Variants in ULK4 observed in about 807,000 individuals in gnomAD.
ULK4 encodes the protein unc-51 like kinase 4.
Under a neutral mutation model 160.6 loss-of-function variants are expected in ULK4, and 133 were observed. That is an observed-to-expected ratio of 0.83 (90% CI 0.72 to 0.96). The LOEUF is 0.96. Among genes scored for constraint, ULK4 ranks in the 40% least tolerant of loss-of-function variants. The pLI is 0.00. For synonymous variants in ULK4, 534 were observed against 539.8 expected (o/e 0.99, Z 0.15); for missense variants, 1,580 against 1,499.5 (o/e 1.05, Z -0.89).
Position 41,566,092 on chromosome 3 carries a change from A to T in ULK4, c.3159T>A (p.Ser1053Arg). The change falls in exon 32 of 37, where the codon AGT becomes AGA. Residue 1053 changes from serine to arginine, a missense_variant. Ser to Arg is a moderately radical substitution (Grantham distance 110). Coordinates refer to ENST00000301831, the MANE Select transcript of ULK4 (RefSeq NM_017886.4). ...QESILGNTMQ[S>R]VIALLSNLVA... ...CTAGATTGCTGAGTAATGCAATCAC[A>T]CTTTGCATGGTATTACCCAGAATGC... The T allele has an allele frequency of 1.9e-6, 3 of 1,613,920 alleles. No homozygotes were observed. The highest frequency in any genetic ancestry group is 2.5e-6 in the Non-Finnish European group (3 of 1,179,960).
At chr3:41,722,095 G>C (rs568410801) in intron 22 of ULK4, among the ~76,000 whole-genome samples, 2 of 152,120 alleles carry the variant, frequency 1.3e-5, no homozygotes, top group Non-Finnish European at 2.9e-5. Context: ...GATAATGCCC[G>C]CCTTATAGGA....
At chr3:41,454,796 G>C (rs2083504852) in intron 34 of ULK4, among the ~76,000 whole-genome samples, 1 of 151,828 alleles carries the variant, frequency 6.6e-6, no homozygotes, top group South Asian at 2.1e-4. Context: ...GGGTTCAAGT[G>C]ATTCTCCTGA....
intron 32 of ULK4, among the ~76,000 whole-genome samples, chr3:41,526,894 T>G (rs1408052827): frequency 6.6e-6 from 1 of 152,162 alleles, no homozygotes; most frequent in Non-Finnish European, 1.5e-5. Flanking sequence ...AGTGACATTT[T>G]TTTTTCTATT....
intron 35 of ULK4, among the ~76,000 whole-genome samples, chr3:41,346,969 C>T (rs1243921478): frequency 1.3e-5 from 2 of 152,032 alleles, no homozygotes; most frequent in African/African-American, 4.8e-5. Context: ...AAATAATCTA[C>T]AATACATGGA....
At chr3:41,875,948 C>T (rs1697282832) in intron 17 of ULK4, among the ~76,000 whole-genome samples, 1 of 143,864 alleles carries the variant, frequency 7.0e-6, no homozygotes. Context: ...CCAGTATCAC[C>T]TATGATATGT....
intron 31 of ULK4, among the ~76,000 whole-genome samples, chr3:41,594,692 T>C (rs1053165496): frequency 3.3e-5 from 5 of 152,208 alleles, no homozygotes; most frequent in African/African-American, 1.2e-4. Context: ...AATTGGATGT[T>C]AAGCCACTGC....
chr3:41,614,779 A>T (rs1437220326), intron 31 of ULK4, among the ~76,000 whole-genome samples: 1 of 152,226 alleles, frequency 6.6e-6, no homozygotes, highest in African/African-American at 2.4e-5. Context: ...CAAACGATTT[A>T]TAGAATAATA....
chr3:41,893,249 A>G (rs1303755563), intron 16 of ULK4, among the ~76,000 whole-genome samples: 1 of 152,258 alleles, frequency 6.6e-6, no homozygotes, highest in African/African-American at 2.4e-5. Flanking sequence ...GAATGAACTA[A>G]ATGCCATTAT....
intron 30 of ULK4, among the ~76,000 whole-genome samples, chr3:41,642,872 T>C (rs1440048013): frequency 6.6e-6 from 1 of 152,228 alleles, no homozygotes; most frequent in African/African-American, 2.4e-5. Flanking sequence ...CACTTTTTAA[T>C]GATCGCCATT....
intron 21 of ULK4, among the ~76,000 whole-genome samples, chr3:41,772,092 A>G (rs1251604391): frequency 6.6e-6 from 1 of 152,202 alleles, no homozygotes; most frequent in Non-Finnish European, 1.5e-5. Context: ...GGAAGTTTAT[A>G]GCTCTAAATG....
chr3:41,897,890 G>A (rs1197489668), intron 14 of ULK4, among the ~76,000 whole-genome samples: 7 of 151,980 alleles, frequency 4.6e-5, no homozygotes, highest in East Asian at 1.9e-4. Context: ...TTTGTTAAAC[G>A]AAAAAACCAA....
intron 35 of ULK4, among the ~76,000 whole-genome samples, chr3:41,379,861 T>G (rs1397666123): frequency 6.6e-6 from 1 of 152,210 alleles, no homozygotes; most frequent in East Asian, 1.9e-4. Flanking sequence ...CTATGCTAAA[T>G]GGGTAGTGAG....
At chr3:41,290,010 G>A (rs1279792645) in intron 35 of ULK4, among the ~76,000 whole-genome samples, 1 of 151,992 alleles carries the variant, frequency 6.6e-6, no homozygotes, top group Non-Finnish European at 1.5e-5. Flanking sequence ...CAAGTAGCTG[G>A]GATTGCAGGC....
chr3:41,718,591 C>A (rs2037348236), intron 22 of ULK4, among the ~76,000 whole-genome samples: 1 of 152,022 alleles, frequency 6.6e-6, no homozygotes, highest in Admixed American at 6.6e-5. Flanking sequence ...GTTCCCATTC[C>A]CCCCAACTCC....
At chr3:41,424,993 T>G (rs565447114) in intron 34 of ULK4, among the ~76,000 whole-genome samples, 25 of 151,994 alleles carry the variant, frequency 1.6e-4, no homozygotes, top group Non-Finnish European at 1.8e-4. Flanking sequence ...AATAATAAAC[T>G]TCACTGAGCT....
At chr3:41,523,872 AC>A (rs2086019205) in intron 32 of ULK4, among the ~76,000 whole-genome samples, 1 of 152,212 alleles carries the variant, frequency 6.6e-6, no homozygotes, top group South Asian at 2.1e-4. Context: ...AGTGGAAACA[AC>A]CTATATTCTA....
At chr3:41,660,188 G>C (rs997134889) in intron 30 of ULK4, among the ~76,000 whole-genome samples, 1 of 152,022 alleles carries the variant, frequency 6.6e-6, no homozygotes, top group Non-Finnish European at 1.5e-5. Context: ...CCAGCTACTC[G>C]GGAGGCTGAG....
At chr3:41,594,532 T>A (rs1246192797) in intron 31 of ULK4, among the ~76,000 whole-genome samples, 1 of 152,184 alleles carries the variant, frequency 6.6e-6, no homozygotes, top group African/African-American at 2.4e-5. Context: ...AATGAGACTC[T>A]ATCTCTAAAA....
intron 32 of ULK4, among the ~76,000 whole-genome samples, chr3:41,497,899 A>G (rs2085047730): frequency 6.6e-6 from 1 of 152,200 alleles, no homozygotes; most frequent in African/African-American, 2.4e-5. Context: ...TAAAAAAATA[A>G]TAATATGTAA....
Sources: allele counts gnomAD v4.1 joint callset (sites outside exome capture counted in the v4.1 genomes callset), GRCh38; gene constraint gnomAD v4.1.1; transcripts MANE v1.5; gene names NCBI Gene and HGNC (gene_info 2026-07-23, HGNC 2026-07-21).